ASXL2: variants seen among roughly 807,000 people sequenced by gnomAD.
The protein encoded by ASXL2 is ASXL transcriptional regulator 2, also known as putative Polycomb group protein ASXL2.
Under a neutral mutation model 122.0 loss-of-function variants are expected in ASXL2, and 23 were observed. The observed-to-expected ratio is 0.19, with a 90% CI of 0.14 to 0.27. The LOEUF (loss-of-function observed/expected upper bound fraction) is 0.27. Ranked by LOEUF, ASXL2 falls within the 10% of genes least tolerant of loss-of-function variation. The probability of loss-of-function intolerance (pLI) is 1.00; values close to 1 mark genes in which losing one functional copy is unlikely to be tolerated. For synonymous variants in ASXL2, 650 were observed against 637.0 expected, an observed-to-expected ratio of 1.02 and a Z score of -0.31; for missense variants, 1,518 against 1,713.8, an observed-to-expected ratio of 0.89 and a Z score of 2.02.
intron 3 of ASXL2, among the ~76,000 whole-genome samples, chr2:25,813,145 T>A (rs2089192514): frequency 6.6e-6 from 1 of 152,212 alleles, no homozygotes; most frequent in Admixed American, 6.5e-5. Flanking sequence ...AAGTACCCAC[T>A]CTGTTTAGGG....
intron 5 of ASXL2, among the ~76,000 whole-genome samples, chr2:25,773,070 G>A (rs2088483719): frequency 6.6e-6 from 1 of 151,952 alleles, no homozygotes; most frequent in Non-Finnish European, 1.5e-5. Flanking sequence ...TTAGCCGGGT[G>A]TGGTGGCACA....
chr2:25,854,953 A>G (rs758025485), intron 1 of ASXL2, among the ~76,000 whole-genome samples: 9 of 152,170 alleles, frequency 5.9e-5, no homozygotes, highest in Admixed American at 2.0e-4. Flanking sequence ...CCATTAAGAA[A>G]CACATCCAAA....
rs747124338 is a variant in ASXL2, at chr2:25,750,056, T to C, written c.1500A>G (p.Glu500=). ...CTGTGGTGAGATGGTTCTTCTCAGA[T>C]TCCTGTTCAGCAGAGGTGACTGGCT... ...EQKPVTSAEQ[E]SEKNHLTTAS... is the part of the protein sequence containing the mutation. The change falls in exon 12 of 13, where the codon GAA becomes GAG. Residue 500 remains glutamate, a synonymous_variant. Transcript: ENST00000435504. The C allele has an allele frequency of 3.7e-6, 6 of 1,614,002 alleles. No homozygotes were observed. The highest frequency in any genetic ancestry group is 2.2e-5 in the East Asian group (1 of 44,894).
chr2:25,753,114 T>G (rs1449873292), intron 11 of ASXL2, among the ~76,000 whole-genome samples: 1 of 151,524 alleles, frequency 6.6e-6, no homozygotes, highest in Admixed American at 6.6e-5. Context: ...ATCACAGGCA[T>G]GCACCACCAC....
intron 1 of ASXL2, among the ~76,000 whole-genome samples, chr2:25,870,241 G>A (rs1289647281): frequency 1.3e-5 from 2 of 151,988 alleles, no homozygotes; most frequent in Admixed American, 1.3e-4. Flanking sequence ...TTAATAACCT[G>A]GTGGCCGGCG....
chr2:25,767,524 C>A, intron 8 of ASXL2, 59 bp downstream of exon 8: 2 of 1,556,868 alleles, frequency 1.3e-6, no homozygotes, highest in South Asian at 1.2e-5. Context: ...TGATGAATTT[C>A]AAACATGTAG....
At position 25,819,569 on chromosome 2, in the gene ASXL2, C is replaced by T. The variant is rs551643838; in HGVS notation, c.144-13232G>A. On this transcript the variant is annotated intron_variant, in intron 3 of 12. Transcript: ENST00000435504. ...TCCTGTGACACTCCTGCCAAAACTG[C>T]ACAACTTAAATCTAATCATAATTAA... is the stretch of plus-strand genomic sequence containing the variant. Among the ~76,000 whole-genome samples the T allele has an allele frequency of 2.0e-5, 3 of 152,200 alleles. No homozygotes were observed. The South Asian group carries it at 6.2e-4, about 32-fold the overall frequency.
chr2:25,831,346 A>G (rs1327398120), intron 3 of ASXL2, among the ~76,000 whole-genome samples: 1 of 152,058 alleles, frequency 6.6e-6, no homozygotes, highest in African/African-American at 2.4e-5. Flanking sequence ...AACAGCTGAA[A>G]ACTTCTCTTA....
At chr2:25,853,241 C>T (rs2089738764) in intron 1 of ASXL2, among the ~76,000 whole-genome samples, 2 of 152,188 alleles carry the variant, frequency 1.3e-5, no homozygotes, top group Admixed American at 1.3e-4. Context: ...TCACTATACA[C>T]TCACTCACCT....
intron 4 of ASXL2, among the ~76,000 whole-genome samples, chr2:25,803,110 C>A (rs574187123): frequency 7.9e-5 from 12 of 151,172 alleles, no homozygotes; most frequent in African/African-American, 2.4e-4. Flanking sequence ...CCAGCCTGGG[C>A]GACAGAGCGA....
intron 1 of ASXL2, among the ~76,000 whole-genome samples, chr2:25,855,653 G>A (rs2089767483): frequency 6.6e-6 from 1 of 151,928 alleles, no homozygotes; most frequent in Non-Finnish European, 1.5e-5. Context: ...GCGACAGAGT[G>A]AGACTCTTGT....
rs1306155197 is a variant in ASXL2 at position 25,783,129 on chromosome 2, AAAAT to A, written c.404-11593_404-11590del. On this transcript the variant is annotated intron_variant, in intron 5 of 12. Transcript: ENST00000435504. The stretch of plus-strand genomic sequence containing the variant: ...GGGGGACAGAATGAGACTCTGTCTC[AAAAT>A]AAATAAATAAATAAAAATTAAAAAA... 5.9e-5 allele frequency among the ~76,000 whole-genome samples: 9 copies of A among 152,266 alleles called. No individual in the cohort carries two copies. In the East Asian group the frequency reaches 1.7e-3, roughly 29 times the overall value.
At chr2:25,786,243 C>CTTT (rs370316025) in intron 5 of ASXL2, among the ~76,000 whole-genome samples, 30,494 of 111,962 alleles carry the variant, frequency 0.27, 5,390 homozygotes, top group Non-Finnish European at 0.3. Flanking sequence ...CCACATCATT[C>CTTT]TTTTTTTTTT....
At chr2:25,832,801 G>C (rs2089469615) in intron 3 of ASXL2, among the ~76,000 whole-genome samples, 1 of 152,130 alleles carries the variant, frequency 6.6e-6, no homozygotes. Context: ...TCATGCAACG[G>C]ATAAACAGTT....
In ASXL2 at chr2:25,799,438, C is replaced by T. The variant is rs1281812514; in HGVS notation, c.350G>A (p.Ser117Asn). ...DSQSSENSSS[S>N]SDGGSNKEGK... ...CTCCTTGTTGCTGCCACCATCACTG[C>T]TGCTGCTGCTGTTCTCAGAACTCTG... Residue 117 changes from serine to asparagine, a missense_variant, in exon 5 of 13, where the codon AGC becomes AAC. Transcript: ENST00000435504. 6.2e-7 allele frequency: 1 copy of T among 1,613,880 alleles called. No individual in the cohort carries two copies. Among genetic ancestry groups the T allele is most frequent in the Non-Finnish European group, 8.5e-7 (1 of 1,179,794 alleles).
chr2:25,764,759 T>G (rs1416436586), intron 8 of ASXL2, among the ~76,000 whole-genome samples: 1 of 152,254 alleles, frequency 6.6e-6, no homozygotes, highest in African/African-American at 2.4e-5. Context: ...GGAATTGGAC[T>G]GTCAACCTTC....
chr2:25,856,363 C>CTTTT (rs70950127), intron 1 of ASXL2: 8,916 of 232,544 alleles, frequency 0.038, 1,142 homozygotes, highest in South Asian at 0.05. Context: ...CTGGCCTATA[C>CTTTT]TTTTTTTTTT....
intron 3 of ASXL2, among the ~76,000 whole-genome samples, chr2:25,833,489 G>T: frequency 6.6e-6 from 1 of 152,048 alleles, no homozygotes; most frequent in Non-Finnish European, 1.5e-5. Context: ...GAGGCCAGGA[G>T]TTTGAGATCG....
At chr2:25,832,162 A>T (rs1213874960) in intron 3 of ASXL2, among the ~76,000 whole-genome samples, 1 of 152,216 alleles carries the variant, frequency 6.6e-6, no homozygotes. Flanking sequence ...TATACCACAG[A>T]CTATGCTTCT....
Sources: allele counts gnomAD v4.1 joint callset (sites outside exome capture counted in the v4.1 genomes callset), GRCh38; gene constraint gnomAD v4.1.1; transcripts MANE v1.5; gene names NCBI Gene and HGNC (gene_info 2026-07-23, HGNC 2026-07-21).